The following BTBD7 variants were observed in gnomAD, a reference collection of about 807,000 sequenced individuals.
BTBD7 encodes BTB/POZ domain-containing protein 7.
Under a neutral mutation model 99.9 loss-of-function variants are expected in BTBD7, and 38 were observed. The ratio of observed to expected loss-of-function variants is 0.38; its 90% CI spans 0.29 to 0.50. BTBD7 has a LOEUF of 0.50. Among genes scored for constraint, BTBD7 ranks in the 20% least tolerant of loss-of-function variants. The pLI, the probability that BTBD7 is intolerant of heterozygous loss-of-function variation, is 0.93. For missense variants in BTBD7, 1,170 were observed against 1,394.6 expected, an observed-to-expected ratio of 0.84 and a Z score of 2.57; for synonymous variants, 520 against 511.4, an observed-to-expected ratio of 1.02 and a Z score of -0.23.
intron 1 of BTBD7, among the ~76,000 whole-genome samples, chr14:93,303,682 G>GCA (rs1490104152): frequency 1.3e-5 from 2 of 152,314 alleles, no homozygotes; most frequent in Non-Finnish European, 2.9e-5. Flanking sequence ...GAATGTGGCT[G>GCA]CACTGTGAAG....
rs753088763 is a variant in BTBD7, at chr14:93,246,246, T to A, written c.2162A>T (p.Glu721Val). Reference protein sequence around the residue: ...KFFPDERFGDESPLLTMRQPG... With the variant: ...KFFPDERFGDVSPLLTMRQPG... Reference sequence around the variant, plus strand: ...CTGTCTCATTGTCAAGAGTGGACTTTCATCCCCAAAACGTTCATCAGGAAA... The same window carrying A: ...CTGTCTCATTGTCAAGAGTGGACTTACATCCCCAAAACGTTCATCAGGAAA... The change falls in exon 10 of 11, where the codon GAA (glutamate) becomes GTA (valine). Residue 721 changes from glutamate to valine, a missense_variant. By Grantham distance (121) the Glu-to-Val change is moderately radical. This residue lies in a region of BTBD7 where 495 missense variants were observed against 525.9 expected (regional missense o/e 0.94). Coordinates refer to ENST00000334746, the MANE Select transcript of BTBD7 (RefSeq NM_001002860.4). The A allele has an allele frequency of 1.3e-6, 2 of 1,542,780 alleles. No individual in the cohort carries two copies. The highest frequency in any genetic ancestry group is 4.5e-5 in the East Asian group (2 of 43,974).
At chr14:93,313,883 G>A (rs552465970) in intron 1 of BTBD7, among the ~76,000 whole-genome samples, 35 of 151,922 alleles carry the variant, frequency 2.3e-4, no homozygotes, top group Non-Finnish European at 4.3e-4. Flanking sequence ...ATAGGTGTGT[G>A]CCAGCGTGCC....
At chr14:93,264,042 A>G (rs1356638686) in intron 3 of BTBD7, 49 bp from the exon 4 acceptor site, 2 of 1,524,538 alleles carry the variant, frequency 1.3e-6, no homozygotes, top group South Asian at 2.3e-5. Flanking sequence ...AATATTACTT[A>G]TTGAACATTA....
intron 1 of BTBD7, 54 bp downstream of exon 1, chr14:93,332,766 C>G (rs1156537375): frequency 1.4e-6 from 2 of 1,451,970 alleles, no homozygotes; most frequent in African/African-American, 3.0e-5. Context: ...CGCCCCGCGC[C>G]ACACCGGACA....
At chr14:93,277,921 AC>A (rs2052675013) in intron 3 of BTBD7, among the ~76,000 whole-genome samples, 1 of 152,174 alleles carries the variant, frequency 6.6e-6, no homozygotes. Context: ...TTAAATAAAA[AC>A]TATCCTCCTA....
intron 10 of BTBD7, 67 bp from the exon 11 acceptor site, chr14:93,243,155 C>A: frequency 7.3e-7 from 1 of 1,374,658 alleles, no homozygotes; most frequent in South Asian, 1.3e-5. Flanking sequence ...AAATGATGTT[C>A]ACTGATTTTG....
At chr14:93,317,295 G>A (rs1329272248) in intron 1 of BTBD7, among the ~76,000 whole-genome samples, 1 of 151,894 alleles carries the variant, frequency 6.6e-6, no homozygotes, top group Non-Finnish European at 1.5e-5. Flanking sequence ...GTGAGCCACT[G>A]CGCCCGGCCG....
rs764316937 is a variant in BTBD7, at chr14:93,257,371, T to G, written c.1448-16A>C. 18 of 1,583,794 alleles carry G rather than the reference T, an allele frequency of 1.1e-5. No individual in the cohort carries two copies. Among genetic ancestry groups the G allele is most frequent in the Non-Finnish European group, 1.5e-5 (17 of 1,168,488 alleles). On this transcript the variant is annotated splice_polypyrimidine_tract_variant and intron_variant, in intron 5 of 10. Coordinates refer to ENST00000334746, the MANE Select transcript of BTBD7 (RefSeq NM_001002860.4). ...AAGTTTGGCTCTATGAGACAGAAAA[T>G]GAAAAGTTTCCAACCAAATCCAAAT...
At chr14:93,304,991 A>AC (rs2053054038) in intron 1 of BTBD7, among the ~76,000 whole-genome samples, 2 of 152,226 alleles carry the variant, frequency 1.3e-5, no homozygotes, top group African/African-American at 4.8e-5. Flanking sequence ...AGTCTTCATG[A>AC]AGACAGTTCA....
At chr14:93,259,130 T>C (rs1298225501) in intron 5 of BTBD7, among the ~76,000 whole-genome samples, 1 of 152,246 alleles carries the variant, frequency 6.6e-6, no homozygotes, top group African/African-American at 2.4e-5. Context: ...TAGGTTCCTG[T>C]GAACCTCTGG....
intron 3 of BTBD7, among the ~76,000 whole-genome samples, chr14:93,291,914 C>T (rs1019495206): frequency 3.3e-5 from 5 of 152,122 alleles, no homozygotes; most frequent in Admixed American, 6.6e-5. Context: ...CTGCAAGGTG[C>T]GGTGGCTCAT....
chr14:93,257,461 G>T, intron 5 of BTBD7, 106 bp from the exon 6 acceptor site: 1 of 974,458 alleles, frequency 1.0e-6, no homozygotes, highest in South Asian at 2.4e-5. Flanking sequence ...ATAGACTTAT[G>T]TGCCTCTGCT....
At chr14:93,331,889 C>CCCCGCCA (rs1555394531) in intron 1 of BTBD7, among the ~76,000 whole-genome samples, 1 of 141,198 alleles carries the variant, frequency 7.1e-6, no homozygotes, top group African/African-American at 3.1e-5. Flanking sequence ...TCCCCCCCCC[C>CCCCGCCA]AAAAAGGTTG....
intron 5 of BTBD7, 152 bp from the exon 6 acceptor site, chr14:93,257,507 G>A: frequency 1.5e-6 from 1 of 656,896 alleles, no homozygotes; most frequent in Non-Finnish European, 2.3e-6. Flanking sequence ...TTTCTTTCAT[G>A]TTTGTTTAAT....
At chr14:93,287,419 T>A (rs2052793671) in intron 3 of BTBD7, among the ~76,000 whole-genome samples, 1 of 149,524 alleles carries the variant, frequency 6.7e-6, no homozygotes, top group Non-Finnish European at 1.5e-5. Flanking sequence ...TATTTACCTC[T>A]CTATATTACT....
intron 7 of BTBD7, among the ~76,000 whole-genome samples, chr14:93,253,138 A>G (rs2052387525): frequency 6.6e-6 from 1 of 152,206 alleles, no homozygotes; most frequent in Non-Finnish European, 1.5e-5. Flanking sequence ...TTATGTTACA[A>G]TATACATAAT....
intron 4 of BTBD7, among the ~76,000 whole-genome samples, chr14:93,263,152 T>C (rs1180440696): frequency 6.6e-6 from 1 of 152,256 alleles, no homozygotes. Flanking sequence ...AAAATTCATA[T>C]AGCCAATGCA....
At chr14:93,318,912 G>A (rs533530076) in intron 1 of BTBD7, among the ~76,000 whole-genome samples, 1 of 152,170 alleles carries the variant, frequency 6.6e-6, no homozygotes, top group South Asian at 2.1e-4. Context: ...GGCTCATAAC[G>A]AACCCTTAAT....
chr14:93,290,177 G>GC (rs2052831018), intron 3 of BTBD7, among the ~76,000 whole-genome samples: 1 of 151,002 alleles, frequency 6.6e-6, no homozygotes, highest in Non-Finnish European at 1.5e-5. Flanking sequence ...TTACCCACTT[G>GC]CCAAACCACT....
Sources: allele counts gnomAD v4.1 joint callset (sites outside exome capture counted in the v4.1 genomes callset), GRCh38; gene constraint gnomAD v4.1.1; regional missense constraint gnomAD v4.1.1; transcripts MANE v1.5; gene names NCBI Gene and HGNC (gene_info 2026-07-23, HGNC 2026-07-21).